Variants in ZP3 observed in about 807,000 individuals in gnomAD.
ZP3 encodes the protein zona pellucida glycoprotein 3, also known as zona pellucida sperm-binding protein 3.
Under a neutral mutation model 35.6 loss-of-function variants are expected in ZP3, and 21 were observed. The ratio of observed to expected loss-of-function variants is 0.59; its 90% CI spans 0.42 to 0.85. ZP3 has a LOEUF of 0.85. ZP3 is among the 40% of genes least tolerant of loss of function. ZP3 has a pLI of 0.00. For missense variants in ZP3, 437 were observed against 536.5 expected (o/e 0.81, Z 1.83); for synonymous variants, 207 against 214.5 (o/e 0.96, Z 0.31).
At chr7:76,423,063 G>GAAAGAAAC (rs1554624523), upstream of ZP3, among the ~76,000 whole-genome samples, 8 of 145,970 alleles carry the variant, frequency 5.5e-5, no homozygotes, top group African/African-American at 2.1e-4. Flanking sequence ...AAGAAAGAAA[G>GAAAGAAAC]AAAGAAAGAA....
chr7:76,430,732 C>T (rs534791731), intron 2 of ZP3, among the ~76,000 whole-genome samples: 73 of 152,302 alleles, frequency 4.8e-4, no homozygotes, highest in Non-Finnish European at 8.7e-4. Context: ...AAGACTCCAT[C>T]TCAAAAAGAA....
At chr7:76,411,095 T>C (rs532115816) in intron 1 of ZP3, among the ~76,000 whole-genome samples, 1 of 151,890 alleles carries the variant, frequency 6.6e-6, no homozygotes, top group East Asian at 1.9e-4. Context: ...CACCTGTCCT[T>C]CCTCCCTCCC....
At chr7:76,426,152 G>T (rs1805644724) in intron 1 of ZP3, among the ~76,000 whole-genome samples, 1 of 151,872 alleles carries the variant, frequency 6.6e-6, no homozygotes, top group African/African-American at 2.4e-5. Flanking sequence ...TGGTGTTAAA[G>T]ACCTTAAAAG....
chr7:76,405,407 C>T (rs1406293270), intron 1 of ZP3, among the ~76,000 whole-genome samples: 1 of 125,334 alleles, frequency 8.0e-6, no homozygotes, highest in African/African-American at 3.1e-5. Flanking sequence ...GTTTCGAACT[C>T]CTGACCTTAA....
chr7:76,410,438 G>A (rs1584040560), intron 1 of ZP3, among the ~76,000 whole-genome samples: 1 of 149,774 alleles, frequency 6.7e-6, no homozygotes, highest in Non-Finnish European at 1.5e-5. Context: ...AGCAACGTCC[G>A]TCTCCCCGAG....
At chr7:76,420,917 G>A (rs1165250565), upstream of ZP3, among the ~76,000 whole-genome samples, 30 of 126,224 alleles carry the variant, frequency 2.4e-4, no homozygotes, top group Admixed American at 2.3e-3. Flanking sequence ...GTGTGTGTGT[G>A]TGTGTGTGTG....
chr7:76,433,672 A>G (rs1278822454), intron 4 of ZP3, 25 bp downstream of exon 4: 5 of 1,574,120 alleles, frequency 3.2e-6, no homozygotes, highest in Non-Finnish European at 3.5e-6. Flanking sequence ...CCCTGCCTAG[A>G]GAACCTTCCT....
chr7:76,406,730 A>G (rs1256758808), intron 1 of ZP3, among the ~76,000 whole-genome samples: 2 of 151,596 alleles, frequency 1.3e-5, no homozygotes, highest in Admixed American at 6.6e-5. Context: ...CCTGGCCTCA[A>G]GTGATCCTCC....
chr7:76,404,230 T>G, intron 1 of ZP3: 1 of 1,454,810 alleles, frequency 6.9e-7, no homozygotes, highest in Non-Finnish European at 9.1e-7. Context: ...ACAACCCTCC[T>G]CCTACTATAA....
At chr7:76,432,807 A>T in intron 2 of ZP3, 120 bp from the exon 3 acceptor site, 1 of 760,072 alleles carries the variant, frequency 1.3e-6, no homozygotes, top group Non-Finnish European at 2.1e-6. Flanking sequence ...CGCACCAGCT[A>T]CCTGGCTGGG....
chr7:76,435,732 A>ATTT (rs71521128), intron 5 of ZP3, among the ~76,000 whole-genome samples: 44 of 137,526 alleles, frequency 3.2e-4, no homozygotes, highest in South Asian at 9.4e-4. Flanking sequence ...TACCACCAGC[A>ATTT]TTTTTTTTTT....
chr7:76,424,981 G>T lies in ZP3; in HGVS notation c.17G>T (p.Arg6Met). 6.5e-7 allele frequency: 1 copy of T among 1,544,250 alleles called. No homozygotes were observed. Among genetic ancestry groups the T allele is most frequent in the Non-Finnish European group, 8.7e-7 (1 of 1,146,254 alleles). MELSY[R>M]LFICLLLWGS... ...GCAGGTACCATGGAGCTGAGCTATA[G>T]GCTCTTCATCTGCCTCCTGCTCTGG... The change falls in exon 1 of 8, where the codon AGG (arginine) becomes ATG (methionine). Residue 6 changes from arginine to methionine, a missense_variant. Physicochemically the swap from Arg to Met is moderately conservative, Grantham distance 91. Transcript: ENST00000394857.
chr7:76,416,338 G>A (rs1485103514), intron 1 of ZP3, among the ~76,000 whole-genome samples: 1 of 151,914 alleles, frequency 6.6e-6, no homozygotes, highest in Non-Finnish European at 1.5e-5. Flanking sequence ...CTGAGGTGGG[G>A]GCATTGCTTG....
upstream of ZP3, chr7:76,424,929 T>C (rs1372138919): frequency 8.1e-6 from 12 of 1,485,794 alleles, no homozygotes; most frequent in South Asian, 1.3e-4. Flanking sequence ...GGGTATAAGA[T>C]GGCCAGAGGC....
chr7:76,440,255 C>T lies in ZP3; in HGVS notation c.837C>T (p.Tyr279=), dbSNP rs372475962. 145 of 1,609,086 alleles carry T rather than the reference C, an allele frequency of 9.0e-5. No individual in the cohort carries two copies. The highest frequency in any genetic ancestry group is 5.0e-4 in the Middle Eastern group (3 of 6,034). The change falls in exon 6 of 8, where the codon TAC becomes TAT. Residue 279 remains tyrosine, a synonymous_variant. Coordinates refer to ENST00000394857, the MANE Select transcript of ZP3 (RefSeq NM_001110354.2). ...HFANDSRNMI[Y]ITCHLKVTLA... is the part of the protein sequence containing the mutation. ...ATAGCTGTTATTCCTTGCAGATATA[C>T]ATCACCTGCCACCTGAAGGTCACCC...
chr7:76,423,117 C>T (rs1043550633), upstream of ZP3, among the ~76,000 whole-genome samples: 1 of 148,360 alleles, frequency 6.7e-6, no homozygotes, highest in Non-Finnish European at 1.5e-5. Context: ...ACGAGTTTTC[C>T]TAGACAAAGC....
chr7:76,416,284 C>T (rs917829491), intron 1 of ZP3, among the ~76,000 whole-genome samples: 12 of 150,582 alleles, frequency 8.0e-5, no homozygotes, highest in African/African-American at 2.9e-4. Context: ...CAAAAATTAA[C>T]CAAGTATGGT....
intron 1 of ZP3, among the ~76,000 whole-genome samples, chr7:76,417,614 CTT>C (rs199614229): frequency 7.0e-6 from 1 of 143,242 alleles, no homozygotes. Context: ...TTCTTTTATT[CTT>C]TTTTTTTTTT....
upstream of ZP3, among the ~76,000 whole-genome samples, chr7:76,421,350 GTTCCCAAGTAGCTAGGACTACAGC>G (rs1805500882): frequency 6.6e-6 from 1 of 151,954 alleles, no homozygotes; most frequent in Admixed American, 6.6e-5. Flanking sequence ...AAGTAGCTAG[GTTCCCAAGTAGCTAGGACTACAGC>G]TTCCCAAGTA....
Sources: gnomAD v4.1 joint callset for allele counts (sites outside exome capture counted in the v4.1 genomes callset) on GRCh38, gnomAD v4.1.1 for gene constraint, MANE v1.5 for transcripts, NCBI Gene and HGNC (gene_info 2026-07-23, HGNC 2026-07-21) for gene names.